Variants in TNFRSF1B observed in about 807,000 individuals in gnomAD.
TNFRSF1B encodes TNF receptor superfamily member 1B, also known as tumor necrosis factor receptor superfamily member 1B.
TNFRSF1B carries 19 observed loss-of-function variants against 44.6 expected under a neutral mutation model. The ratio of observed to expected loss-of-function variants is 0.43; its 90% CI spans 0.30 to 0.62. TNFRSF1B has a LOEUF of 0.62. Ranked by LOEUF, TNFRSF1B falls within the 20% of genes least tolerant of loss-of-function variation. The probability of loss-of-function intolerance (pLI) is 0.16; values close to 1 mark genes in which losing one functional copy is unlikely to be tolerated. For synonymous variants in TNFRSF1B, 252 were observed against 261.1 expected (o/e 0.97, Z 0.34); for missense variants, 541 against 619.9 (o/e 0.87, Z 1.35).
chr1:12,194,941 CT>C (rs1322510861), intron 8 of TNFRSF1B, among the ~76,000 whole-genome samples: 1 of 152,242 alleles, frequency 6.6e-6, no homozygotes, highest in Admixed American at 6.5e-5. Context: ...GGGGTTGTGT[CT>C]GCTCGATCCA....
At chr1:12,179,654 G>A (rs1480813748) in intron 1 of TNFRSF1B, among the ~76,000 whole-genome samples, 2 of 152,152 alleles carry the variant, frequency 1.3e-5, no homozygotes, top group Non-Finnish European at 2.9e-5. Flanking sequence ...CCCCTCTGTG[G>A]GCTCCTTGTC....
intron 1 of TNFRSF1B, among the ~76,000 whole-genome samples, chr1:12,183,850 T>TCTATCTATCTATCTATCTATCTACCTAC (rs1390376605): frequency 2.3e-4 from 31 of 137,368 alleles, no homozygotes; most frequent in Admixed American, 5.6e-4. Flanking sequence ...TATCTATCTA[T>TCTATCTATCTATCTATCTATCTACCTAC]CTACCTACCT....
chr1:12,182,645 C>T (rs1638838025), intron 1 of TNFRSF1B, among the ~76,000 whole-genome samples: 1 of 152,252 alleles, frequency 6.6e-6, no homozygotes, highest in Non-Finnish European at 1.5e-5. Context: ...CTTGATCTCC[C>T]TGAGCTGTGA....
chr1:12,203,778 C>T (rs558366395), intron 9 of TNFRSF1B, among the ~76,000 whole-genome samples: 12 of 152,090 alleles, frequency 7.9e-5, no homozygotes, highest in Non-Finnish European at 1.2e-4. Flanking sequence ...AGTGCAGTGG[C>T]GCAGTCTTGG....
At chr1:12,190,197 G>C (rs1222927650) in intron 2 of TNFRSF1B, among the ~76,000 whole-genome samples, 1 of 152,120 alleles carries the variant, frequency 6.6e-6, no homozygotes, top group Non-Finnish European at 1.5e-5. Flanking sequence ...AACTGGAAGG[G>C]TCTCTTTAAG....
chr1:12,191,445 G>A (rs556233052), intron 3 of TNFRSF1B, among the ~76,000 whole-genome samples: 1 of 152,028 alleles, frequency 6.6e-6, no homozygotes, highest in African/African-American at 2.4e-5. Flanking sequence ...GAGCGGCACT[G>A]CGGGGAGGAG....
At chr1:12,167,306 C>A in intron 1 of TNFRSF1B, 137 bp downstream of exon 1, 1 of 614,572 alleles carries the variant, frequency 1.6e-6, no homozygotes, top group Non-Finnish European at 2.3e-6. Flanking sequence ...AGTCGCCGCC[C>A]CCCATCCGCA....
At chr1:12,167,256 C>A (rs1638412346) in intron 1 of TNFRSF1B, 87 bp downstream of exon 1, 1 of 1,033,404 alleles carries the variant, frequency 9.7e-7, no homozygotes. Context: ...GGGCCGCGCT[C>A]TCCCGGGGCG....
intron 1 of TNFRSF1B, among the ~76,000 whole-genome samples, chr1:12,176,008 A>G (rs1570128323): frequency 6.6e-6 from 1 of 151,462 alleles, no homozygotes; most frequent in East Asian, 1.9e-4. Flanking sequence ...TGAGGTCAGG[A>G]GTTGGAGACC....
intron 9 of TNFRSF1B, among the ~76,000 whole-genome samples, chr1:12,205,410 A>T (rs1194988206): frequency 1.3e-5 from 2 of 152,120 alleles, no homozygotes; most frequent in Non-Finnish European, 2.9e-5. Context: ...GGTAGGCTGT[A>T]GCAAGGACTG....
At chr1:12,183,701 TATCTATCTATTCTATCTAC>T (rs1638882748) in intron 1 of TNFRSF1B, among the ~76,000 whole-genome samples, 2 of 129,358 alleles carry the variant, frequency 1.5e-5, no homozygotes, top group African/African-American at 5.3e-5. Flanking sequence ...TCTATCTATC[TATCTATCTATTCTATCTAC>T]CTATCTATCT....
At chr1:12,173,022 T>C (rs1314703153) in intron 1 of TNFRSF1B, among the ~76,000 whole-genome samples, 1 of 152,218 alleles carries the variant, frequency 6.6e-6, no homozygotes, top group Admixed American at 6.5e-5. Context: ...TCTTCTGAGA[T>C]CATGCTGTCC....
chr1:12,193,578 A>AAAACAAAACC (rs1249779786), intron 6 of TNFRSF1B, among the ~76,000 whole-genome samples: 1 of 152,230 alleles, frequency 6.6e-6, no homozygotes, highest in African/African-American at 2.4e-5. Flanking sequence ...TCTCAAAAAC[A>AAAACAAAACC]AAACAAAACC....
rs1360396378 is a variant in TNFRSF1B at position 12,169,873 on chromosome 1, C to T, written c.78+2704C>T. Reference sequence around the variant, plus strand: ...GTCTCTGCCTGATGGGCCTGGCCCACCTACCCCTGGAAGTCTTGGTGCTGA... The same window carrying T: ...GTCTCTGCCTGATGGGCCTGGCCCATCTACCCCTGGAAGTCTTGGTGCTGA... On this transcript the variant is annotated intron_variant, in intron 1 of 9. Coordinates refer to ENST00000376259, the MANE Select transcript of TNFRSF1B (RefSeq NM_001066.3). The surrounding 1 kb of genome is among the most constrained non-coding windows in gnomAD (Gnocchi z 4.5). Among the ~76,000 whole-genome samples the T allele has an allele frequency of 6.6e-6, 1 of 152,176 alleles. No homozygotes were observed. The highest frequency in any genetic ancestry group is 6.5e-5 in the Admixed American group (1 of 15,272).
At chr1:12,194,514 C>G in intron 7 of TNFRSF1B, 70 bp from the exon 8 acceptor site, 1 of 1,595,420 alleles carries the variant, frequency 6.3e-7, no homozygotes, top group Admixed American at 1.7e-5. Context: ...GGGCCCCATA[C>G]TGCCCTCCTA....
chr1:12,192,763 G>A (rs1469752870), intron 5 of TNFRSF1B, 100 bp from the exon 6 acceptor site: 35 of 1,081,274 alleles, frequency 3.2e-5, no homozygotes, highest in Middle Eastern at 2.9e-4. Flanking sequence ...GGCACACATC[G>A]TCACTCTCCT....
chr1:12,174,160 T>TTCTCCTTCTCCTTCTCCTTCTC lies in TNFRSF1B; in HGVS notation c.78+6991_78+6992insTCTCCTTCTCCTTCTCCTTCTC, dbSNP rs1638590812. 5.9e-5 allele frequency among the ~76,000 whole-genome samples: 4 copies of TTCTCCTTCTCCTTCTCCTTCTC among 67,918 alleles called. 1 individual carries two copies. Among genetic ancestry groups the TTCTCCTTCTCCTTCTCCTTCTC allele is most frequent in the East Asian group, 1.6e-3 (2 of 1,234 alleles). 44.6% of individuals were successfully genotyped at this position (67,918 alleles called of 152,430 possible). ...TTCTTCTTCTTCTTCTTCTTCTTCT[T>TTCTCCTTCTCCTTCTCCTTCTC]CTTCTCCTTCTCCTTCTCCTTCTCC... On this transcript the variant is annotated intron_variant, in intron 1 of 9. Transcript: ENST00000376259.
chr1:12,174,166 C>CTTCTTCTTCTTCTTCTTCTTCTT (rs1557623710), intron 1 of TNFRSF1B, among the ~76,000 whole-genome samples: 5 of 55,928 alleles, frequency 8.9e-5, no homozygotes, highest in African/African-American at 2.2e-4. Flanking sequence ...TTCTTCTTCT[C>CTTCTTCTTCTTCTTCTTCTTCTT]CTTCTCCTTC....
intron 8 of TNFRSF1B, among the ~76,000 whole-genome samples, chr1:12,196,037 A>G (rs761699203): frequency 1.3e-5 from 2 of 152,164 alleles, no homozygotes; most frequent in Non-Finnish European, 2.9e-5. Flanking sequence ...ACGGTGGCTC[A>G]CTCCTGTAAT....
Sources: gnomAD v4.1 joint callset for allele counts (sites outside exome capture counted in the v4.1 genomes callset) on GRCh38, gnomAD v4.1.1 for gene constraint, Gnocchi (gnomAD v3.1) non-coding constraint, MANE v1.5 for transcripts, NCBI Gene and HGNC (gene_info 2026-07-23, HGNC 2026-07-21) for gene names.